Variants in ARL15 observed in about 807,000 individuals in gnomAD.
The protein encoded by ARL15 is ARF like GTPase 15, also known as ADP-ribosylation factor-like protein 15.
In ARL15, 19 loss-of-function variants were observed where a neutral mutation model predicts 25.2. The observed-to-expected ratio is 0.75, with a 90% CI of 0.53 to 1.10. ARL15 has a LOEUF of 1.10. ARL15 is among the 50% of genes least tolerant of loss of function. The pLI is 0.00. For missense variants in ARL15, 220 were observed against 246.0 expected (o/e 0.89, Z 0.71); for synonymous variants, 94 against 86.8 (o/e 1.08, Z -0.46).
chr5:53,911,733 A>T (rs1033529139), intron 4 of ARL15, among the ~76,000 whole-genome samples: 1 of 151,946 alleles, frequency 6.6e-6, no homozygotes, highest in South Asian at 2.1e-4. Context: ...TCATTCTTAT[A>T]CTTTTGTGTT....
intron 4 of ARL15, among the ~76,000 whole-genome samples, chr5:54,088,596 G>A (rs1752045640): frequency 6.6e-6 from 1 of 152,160 alleles, no homozygotes; most frequent in Admixed American, 6.5e-5. Context: ...AAAGTAATGA[G>A]GATTTTCCTC....
chr5:54,245,780 G>A (rs774272053), intron 1 of ARL15, among the ~76,000 whole-genome samples: 53 of 152,140 alleles, frequency 3.5e-4, no homozygotes, highest in Admixed American at 1.4e-3. Context: ...TAGAGCCGAG[G>A]GTTCACCATG....
intron 4 of ARL15, among the ~76,000 whole-genome samples, chr5:53,894,317 T>G (rs1744805546): frequency 6.6e-6 from 1 of 152,188 alleles, no homozygotes; most frequent in African/African-American, 2.4e-5. Context: ...GTATAGAATT[T>G]TATTTGTTGT....
chr5:54,029,882 AG>A (rs1749920121), intron 4 of ARL15, among the ~76,000 whole-genome samples: 1 of 151,910 alleles, frequency 6.6e-6, no homozygotes, highest in African/African-American at 2.4e-5. Flanking sequence ...CTGTAGTCCC[AG>A]CTACTCAGGA....
At chr5:54,073,877 T>G (rs1751498231) in intron 4 of ARL15, among the ~76,000 whole-genome samples, 1 of 152,192 alleles carries the variant, frequency 6.6e-6, no homozygotes, top group Non-Finnish European at 1.5e-5. Context: ...TCTTGACTAT[T>G]ATGCTGCTTC....
intron 4 of ARL15, among the ~76,000 whole-genome samples, chr5:53,942,354 T>A (rs779162953): frequency 6.6e-6 from 1 of 152,188 alleles, no homozygotes; most frequent in Non-Finnish European, 1.5e-5. Context: ...CACTAGAAGC[T>A]GTGGAAGCAC....
chr5:54,008,113 A>T (rs1749107378), intron 4 of ARL15, among the ~76,000 whole-genome samples: 1 of 152,186 alleles, frequency 6.6e-6, no homozygotes, highest in East Asian at 1.9e-4. Context: ...TCAGAAACAG[A>T]CTTTTTGTTT....
chr5:54,067,833 AAGTCATATTTC>A (rs1454500480), intron 4 of ARL15, among the ~76,000 whole-genome samples: 2 of 152,214 alleles, frequency 1.3e-5, no homozygotes, highest in Non-Finnish European at 2.9e-5. Flanking sequence ...TCTTGACAAG[AAGTCATATTTC>A]AGTTCCCTTT....
At chr5:54,059,032 T>C (rs1750976552) in intron 4 of ARL15, among the ~76,000 whole-genome samples, 1 of 152,206 alleles carries the variant, frequency 6.6e-6, no homozygotes, top group South Asian at 2.1e-4. Context: ...GTTCCCTTTT[T>C]AAACTGCAGT....
chr5:53,923,560 C>T (rs528400960), intron 4 of ARL15, among the ~76,000 whole-genome samples: 1 of 152,232 alleles, frequency 6.6e-6, no homozygotes, highest in African/African-American at 2.4e-5. Context: ...AAAGGCATCT[C>T]CTTTACTAGT....
At chr5:53,964,562 G>A (rs1276966713) in intron 4 of ARL15, among the ~76,000 whole-genome samples, 5 of 151,966 alleles carry the variant, frequency 3.3e-5, no homozygotes, top group Non-Finnish European at 5.9e-5. Context: ...GGGCTTCACC[G>A]TGTTAGCCAG....
chr5:53,968,998 A>G (rs1473539530), intron 4 of ARL15, among the ~76,000 whole-genome samples: 4 of 151,852 alleles, frequency 2.6e-5, no homozygotes, highest in Non-Finnish European at 5.9e-5. Flanking sequence ...AAAATACAAA[A>G]AATTAGCCAG....
intron 4 of ARL15, among the ~76,000 whole-genome samples, chr5:53,996,618 TAAAAA>T (rs529752025): frequency 0.19 from 18,387 of 98,668 alleles, 1,345 homozygotes; most frequent in East Asian, 0.5. Flanking sequence ...GACTGTCTCA[TAAAAA>T]AAAAAAAAAA....
intron 4 of ARL15, among the ~76,000 whole-genome samples, chr5:54,084,794 G>GA (rs753703876): frequency 6.6e-6 from 1 of 152,020 alleles, no homozygotes; most frequent in Non-Finnish European, 1.5e-5. Context: ...ATGTTCTGGC[G>GA]AAAAAAACTG....
chr5:54,032,939 T>C (rs1750038492), intron 4 of ARL15, among the ~76,000 whole-genome samples: 3 of 152,180 alleles, frequency 2.0e-5, no homozygotes, highest in Non-Finnish European at 2.9e-5. Flanking sequence ...ATCCCCATAT[T>C]TGGAGTCAGG....
intron 1 of ARL15, among the ~76,000 whole-genome samples, chr5:54,187,693 T>A (rs1406915890): frequency 6.6e-6 from 1 of 152,200 alleles, no homozygotes; most frequent in African/African-American, 2.4e-5. Context: ...TATTCCCTTC[T>A]CCCTTTCTAT....
intron 1 of ARL15, among the ~76,000 whole-genome samples, chr5:54,301,143 G>A (rs553372451): frequency 5.9e-5 from 9 of 152,238 alleles, no homozygotes; most frequent in South Asian, 2.1e-4. Flanking sequence ...TACTCTAGCC[G>A]TCTTTATTTC....
At chr5:54,152,366 T>C (rs970754591) in intron 3 of ARL15, among the ~76,000 whole-genome samples, 3 of 152,304 alleles carry the variant, frequency 2.0e-5, no homozygotes, top group East Asian at 1.9e-4. Context: ...TAGCTTTTCA[T>C]GTGTTCCTGG....
intron 4 of ARL15, among the ~76,000 whole-genome samples, chr5:54,085,240 C>A (rs1751929986): frequency 6.6e-6 from 1 of 152,172 alleles, no homozygotes; most frequent in African/African-American, 2.4e-5. Flanking sequence ...TCAAAAGATA[C>A]TACAGAACAA....
Sources: allele counts gnomAD v4.1 joint callset (sites outside exome capture counted in the v4.1 genomes callset), GRCh38; gene constraint gnomAD v4.1.1; transcripts MANE v1.5; gene names NCBI Gene and HGNC (gene_info 2026-07-23, HGNC 2026-07-21).